The following AVPR1B variants were observed in gnomAD, a reference collection of about 807,000 sequenced individuals.
AVPR1B encodes vasopressin V1b receptor.
Under a neutral mutation model 27.5 loss-of-function variants are expected in AVPR1B, and 25 were observed. That is an observed-to-expected ratio of 0.91 (90% CI 0.66 to 1.27). The LOEUF is 1.27. AVPR1B is among the 50% of genes most tolerant of loss of function. AVPR1B has a pLI of 0.00. For synonymous variants in AVPR1B, 248 were observed against 240.2 expected (o/e 1.03, Z -0.30); for missense variants, 595 against 556.9 (o/e 1.07, Z -0.69).
At chr1:206,113,110 T>G (rs1490568218) in intron 1 of AVPR1B, among the ~76,000 whole-genome samples, 1 of 152,172 alleles carries the variant, frequency 6.6e-6, no homozygotes, top group Non-Finnish European at 1.5e-5. Flanking sequence ...TTCCTTCATT[T>G]AGGAAGTGCC....
At position 206,110,374 on chromosome 1, in the gene AVPR1B, G is replaced by T. The variant is rs782377728; in HGVS notation, c.1090C>A (p.Arg364Ser). The change falls in exon 2 of 2, where the codon CGC (arginine) becomes AGC (serine). Residue 364 changes from arginine (R) to serine (S), a missense_variant. Physicochemically the swap from Arg to Ser is moderately radical, Grantham distance 110 (BLOSUM62 -1). Transcript: ENST00000367126. ...AGGCTGCCGTCGGAGAGCCGCCGGC[G>T]CATCCTGGGCTGGGGACCCCCACAG... Reference protein sequence around the residue: ...ACCGGPQPRMRRRLSDGSLSS... With the variant: ...ACCGGPQPRMSRRLSDGSLSS... The T allele has an allele frequency of 6.2e-7, 1 of 1,610,720 alleles. No homozygotes were observed. Among genetic ancestry groups the T allele is most frequent in the Non-Finnish European group, 8.5e-7 (1 of 1,178,826 alleles).
At chr1:206,115,583 T>C (rs1434652355) in intron 1 of AVPR1B, among the ~76,000 whole-genome samples, 1 of 152,222 alleles carries the variant, frequency 6.6e-6, no homozygotes, top group Non-Finnish European at 1.5e-5. Flanking sequence ...GGGACAAGGC[T>C]GAGAGAGCAA....
chr1:206,108,430 A>G lies in AVPR1B; in HGVS notation c.*1759T>C, dbSNP rs1254452120. On this transcript the variant is annotated 3_prime_UTR_variant, in exon 2 of 2. Coordinates refer to ENST00000367126, the MANE Select transcript of AVPR1B (RefSeq NM_000707.5). ...TTTAGAAAGCCTCAGGAGGCTTCTT[A>G]GAGCTGAGTGGCCTCTTAAAGAAGT... 6.6e-6 allele frequency among the ~76,000 whole-genome samples: 1 copy of G among 152,220 alleles called. No individual in the cohort carries two copies. The highest frequency in any genetic ancestry group is 1.5e-5 in the Non-Finnish European group (1 of 68,036).
At position 206,116,010 on chromosome 1, in the gene AVPR1B, CA is replaced by C; in HGVS notation, c.880del (p.Trp294GlyfsTer87). 1.9e-6 allele frequency: 3 copies of C among 1,614,088 alleles called. No individual in the cohort carries two copies. Among genetic ancestry groups the C allele is most frequent in the Non-Finnish European group, 2.5e-6 (3 of 1,179,946 alleles). On this transcript the variant is annotated frameshift_variant, in exon 1 of 2. Transcript: ENST00000367126. LOFTEE classifies it high-confidence loss of function. ...CATCTGGACACTGAAGAAGGGAGCC[CA>C]GCAAGCGATGTAGGCCAGCACGATG... ...FVIVLAYIAC[W>X]APFFSVQMWS...
At chr1:206,110,595 C>A in intron 1 of AVPR1B, 72 bp from the exon 2 acceptor site, 1 of 1,320,006 alleles carries the variant, frequency 7.6e-7, no homozygotes, top group African/African-American at 1.5e-5. Flanking sequence ...CCAGGCCCCA[C>A]AGATGAGGAA....
intron 1 of AVPR1B, among the ~76,000 whole-genome samples, chr1:206,114,467 T>A (rs1663431415): frequency 6.6e-6 from 1 of 152,166 alleles, no homozygotes; most frequent in Admixed American, 6.5e-5. Flanking sequence ...CTGTTCTGAA[T>A]ACTGCTCTCC....
chr1:206,116,451 C>T lies in AVPR1B; in HGVS notation c.440G>A (p.Gly147Asp). ...AGCGATGAGCAGGTAGGTGGACTGG[C>T]CTGGCTGCTGGAGGCTGCGCAGGGG... Reference protein sequence around the residue: ...CHPLRSLQQPGQSTYLLIAAP... With the variant: ...CHPLRSLQQPDQSTYLLIAAP... Residue 147 changes from glycine to aspartate, a missense_variant, in exon 1 of 2, where the codon GGC becomes GAC. By Grantham distance (94) the Gly-to-Asp change is moderately conservative. Coordinates refer to ENST00000367126, the MANE Select transcript of AVPR1B (RefSeq NM_000707.5). 2 of 1,613,840 alleles carry T rather than the reference C, an allele frequency of 1.2e-6. No homozygotes were observed. Among genetic ancestry groups the T allele is most frequent in the Non-Finnish European group, 1.7e-6 (2 of 1,180,018 alleles).
Position 206,110,727 on chromosome 1 carries a change from T to TTTTG in AVPR1B, c.941-208_941-205dup, listed in dbSNP as rs549455216. On this transcript the variant is annotated intron_variant, in intron 1 of 1. Coordinates refer to ENST00000367126, the MANE Select transcript of AVPR1B (RefSeq NM_000707.5). The stretch of plus-strand genomic sequence containing the variant: ...TGGCTCCAGAGTCTTACCATGCTGA[T>TTTTG]TTTGTTTGTTTGTTTTTGTTGTGTA... Among the ~76,000 whole-genome samples, 25 of 152,260 alleles carry TTTTG rather than the reference T, an allele frequency of 1.6e-4. No individual in the cohort carries two copies. The East Asian group carries it at 4.4e-3, about 27-fold the overall frequency.
At chr1:206,114,221 C>T (rs34253955) in intron 1 of AVPR1B, among the ~76,000 whole-genome samples, 2 of 152,080 alleles carry the variant, frequency 1.3e-5, no homozygotes, top group African/African-American at 4.8e-5. Flanking sequence ...GGAAGGGGAC[C>T]ACTGGTGGGA....
Position 206,110,370 on chromosome 1 carries a change from C to T in AVPR1B, c.1094G>A (p.Arg365Gln), listed in dbSNP as rs202034499. 9.7e-5 allele frequency: 157 copies of T among 1,610,404 alleles called. No individual in the cohort carries two copies. Among genetic ancestry groups the T allele is most frequent in the East Asian group, 5.1e-4 (23 of 44,734 alleles). Residue 365 changes from arginine (R) to glutamine (Q), a missense_variant, in exon 2 of 2, where the codon CGG becomes CAG. Transcript: ENST00000367126. ...CCGGPQPRMR[R>Q]RLSDGSLSSR... ...CGAGAGGCTGCCGTCGGAGAGCCGC[C>T]GGCGCATCCTGGGCTGGGGACCCCC... is the stretch of plus-strand genomic sequence containing the variant.
intron 1 of AVPR1B, among the ~76,000 whole-genome samples, chr1:206,113,749 A>G (rs1221151834): frequency 1.3e-5 from 2 of 152,188 alleles, no homozygotes; most frequent in Non-Finnish European, 2.9e-5. Context: ...CTTGGCCCAT[A>G]AAGACCTCAA....
At chr1:206,113,391 G>A (rs1040914591) in intron 1 of AVPR1B, among the ~76,000 whole-genome samples, 22 of 152,190 alleles carry the variant, frequency 1.4e-4, no homozygotes, top group African/African-American at 5.1e-4. Flanking sequence ...GAGGGGAACT[G>A]TGTGTACTGG....
rs782756383 is a variant in AVPR1B at position 206,110,412 on chromosome 1, C to A, written c.1052G>T (p.Arg351Leu). 1 of 1,613,388 alleles carries A rather than the reference C, an allele frequency of 6.2e-7. No individual in the cohort carries two copies. The highest frequency in any genetic ancestry group is 8.5e-7 in the Non-Finnish European group (1 of 1,179,746). The change falls in exon 2 of 2, where the codon CGT (arginine) becomes CTT (leucine). Residue 351 changes from arginine to leucine, a missense_variant. Transcript: ENST00000367126. The part of the protein sequence containing the change: ...FNSHLLPRPL[R>L]HLACCGGPQP... ...GGGACCCCCACAGCAGGCAAGGTGA[C>A]GCAGGGGCCGCGGTAACAGGTGGCT...
Position 206,116,812 on chromosome 1 carries a change from G to A in AVPR1B, c.79C>T (p.Leu27=), listed in dbSNP as rs1553290620. The change falls in exon 1 of 2, where the codon CTG becomes TTG. Residue 27 remains leucine (L), a synonymous_variant. Coordinates refer to ENST00000367126, the MANE Select transcript of AVPR1B (RefSeq NM_000707.5). ...LSAPNATTPW[L]GRDEELAKVE... is the part of the protein sequence containing the mutation. ...TTGGCCAGCTCCTCATCCCGGCCCA[G>A]CCAGGGTGTTGTGGCATTGGGGGCA... 2 of 1,614,090 alleles carry A rather than the reference G, an allele frequency of 1.2e-6. No homozygotes were observed. Among genetic ancestry groups the A allele is most frequent in the East Asian group, 2.2e-5 (1 of 44,880 alleles).
Position 206,110,081 on chromosome 1 carries a change from C to T in AVPR1B, c.*108G>A. ...CCTTTTCGCTCCGCTTTAGACAGGG[C>T]TCCTCTAACTCCAACCCTTACCCTC... On this transcript the variant is annotated 3_prime_UTR_variant, in exon 2 of 2. Coordinates refer to ENST00000367126, the MANE Select transcript of AVPR1B (RefSeq NM_000707.5). 1.5e-6 allele frequency: 2 copies of T among 1,294,498 alleles called. No homozygotes were observed. The highest frequency in any genetic ancestry group is 1.1e-6 in the Non-Finnish European group (1 of 951,202). The allele number at this position is 1,294,498 out of a possible 1,614,324, so 80.2% of individuals were successfully genotyped here.
chr1:206,116,232 CT>C lies in AVPR1B; in HGVS notation c.658del (p.Ser220AlafsTer11). ...TTTACAGATCTCATGGCAGATGAGG[CT>C]GTAGCAGGCCGTGAGCATGGTCACC... The part of the protein sequence containing the change: ...LPVTMLTACY[S>X]LICHEICKNL... On this transcript the variant is annotated frameshift_variant, in exon 1 of 2. Coordinates refer to ENST00000367126, the MANE Select transcript of AVPR1B (RefSeq NM_000707.5). LOFTEE classifies it high-confidence loss of function. 6.2e-7 allele frequency: 1 copy of C among 1,613,720 alleles called. No homozygotes were observed. Among genetic ancestry groups the C allele is most frequent in the Non-Finnish European group, 8.5e-7 (1 of 1,180,020 alleles).
In AVPR1B at chr1:206,110,333, GGTGTGGCGGCTCGAGAGGCTGCCGT is replaced by G; in HGVS notation, c.1106_1130del (p.Asp369AlafsTer4). The G allele has an allele frequency of 6.2e-7, 1 of 1,612,468 alleles. No homozygotes were observed. On this transcript the variant is annotated frameshift_variant, in exon 2 of 2. Coordinates refer to ENST00000367126, the MANE Select transcript of AVPR1B (RefSeq NM_000707.5). LOFTEE classifies it high-confidence loss of function. ...GGCAGCTGGAGCGGGTCAGCAGCGT[GGTGTGGCGGCTCGAGAGGCTGCCGT>G]CGGAGAGCCGCCGGCGCATCCTGGG...
chr1:206,115,847 T>G, intron 1 of AVPR1B, 104 bp downstream of exon 1: 2 of 1,177,668 alleles, frequency 1.7e-6, no homozygotes, highest in Non-Finnish European at 2.3e-6. Context: ...GCCCCACTAG[T>G]TTGTCACCTG....
rs989768086 is a variant in AVPR1B, at chr1:206,109,385, G to T, written c.*804C>A. ...GGAGGGAGGGCCACAAGTCCCTGCT[G>T]CCCTTGAGGCTTATTCTTGCTGTTA... On this transcript the variant is annotated 3_prime_UTR_variant, in exon 2 of 2. Transcript: ENST00000367126. Among the ~76,000 whole-genome samples, 8 of 152,124 alleles carry T rather than the reference G, an allele frequency of 5.3e-5. No individual in the cohort carries two copies. Among genetic ancestry groups the T allele is most frequent in the Non-Finnish European group, 2.9e-5 (2 of 68,004 alleles).
Sources: allele counts gnomAD v4.1 joint callset (sites outside exome capture counted in the v4.1 genomes callset), GRCh38; gene constraint gnomAD v4.1.1; transcripts MANE v1.5; gene names NCBI Gene and HGNC (gene_info 2026-07-23, HGNC 2026-07-21).